Variants in JAZF1 observed in about 807,000 individuals in gnomAD.
JAZF1 encodes the protein JAZF zinc finger 1.
JAZF1 carries 8 observed loss-of-function variants against 26.4 expected under a neutral mutation model. That is an observed-to-expected ratio of 0.30 (90% CI 0.18 to 0.55). The LOEUF (loss-of-function observed/expected upper bound fraction) is 0.55, where lower values mean the gene tolerates loss of function less well. Among genes scored for constraint, JAZF1 ranks in the 20% least tolerant of loss-of-function variants. The pLI, the probability that JAZF1 is intolerant of heterozygous loss-of-function variation, is 0.94. For synonymous variants in JAZF1, 126 were observed against 122.3 expected (o/e 1.03, Z -0.20); for missense variants, 199 against 322.0 (o/e 0.62, Z 2.92).
intron 3 of JAZF1, among the ~76,000 whole-genome samples, chr7:27,865,924 G>A (rs1382197097): frequency 1.3e-5 from 2 of 152,190 alleles, no homozygotes; most frequent in East Asian, 3.9e-4. Context: ...CTTGCTTTCT[G>A]AGCAGGTGAC....
In JAZF1 at chr7:27,832,366, G is replaced by A. The variant is rs1032081819; in HGVS notation, c.*434C>T. On this transcript the variant is annotated 3_prime_UTR_variant, in exon 5 of 5. Coordinates refer to ENST00000283928, the MANE Select transcript of JAZF1 (RefSeq NM_175061.4). Reference sequence around the variant, plus strand: ...GCATGGTAACCAGTTTGATAATGAAGGTATTATTTTGGTTTTGAACATATG... The same window carrying A: ...GCATGGTAACCAGTTTGATAATGAAAGTATTATTTTGGTTTTGAACATATG... 9 of 222,208 alleles carry A rather than the reference G, an allele frequency of 4.1e-5. No individual in the cohort carries two copies. The highest frequency in any genetic ancestry group is 6.3e-5 in the Non-Finnish European group (7 of 111,110). The allele number at this position is 222,208 out of a possible 1,614,324, so 13.8% of individuals were successfully genotyped here.
intron 2 of JAZF1, among the ~76,000 whole-genome samples, chr7:27,917,178 G>A (rs981864298): frequency 7.2e-5 from 11 of 152,172 alleles, no homozygotes; most frequent in Admixed American, 5.9e-4. Flanking sequence ...TCAAGTGCTT[G>A]TCAAACATTT....
intron 2 of JAZF1, among the ~76,000 whole-genome samples, chr7:27,924,197 C>A (rs1415024768): frequency 6.6e-6 from 1 of 152,172 alleles, no homozygotes; most frequent in African/African-American, 2.4e-5. Context: ...TCTGCTTCAG[C>A]CTCCCGAGCA....
At position 28,153,066 on chromosome 7, in the gene JAZF1, C is replaced by T. The variant is rs1037662524; in HGVS notation, c.115+27397G>A. Among the ~76,000 whole-genome samples, 60 of 152,158 alleles carry T rather than the reference C, an allele frequency of 3.9e-4. 1 individual carries two copies. Among genetic ancestry groups the T allele is most frequent in the African/African-American group, 1.3e-3 (53 of 41,428 alleles). On this transcript the variant is annotated intron_variant, in intron 1 of 4. Transcript: ENST00000283928. The stretch of plus-strand genomic sequence containing the variant: ...GTTTGTTGAGCAGTCTAGGTAATTT[C>T]CAACTTCCAGAGACCAATGTCCAGT...
rs1468822109 is a variant in JAZF1, at chr7:28,027,762, A to G, written c.116-35781T>C. On this transcript the variant is annotated intron_variant, in intron 1 of 4. Coordinates refer to ENST00000283928, the MANE Select transcript of JAZF1 (RefSeq NM_175061.4). ...CTCACAATTACCCTGCAAAACAGAC[A>G]CTACATTTTCCATTTTATAGCTAAA... Among the ~76,000 whole-genome samples the G allele has an allele frequency of 2.0e-5, 3 of 152,336 alleles. No individual in the cohort carries two copies. The East Asian group carries it at 5.8e-4, about 29-fold the overall frequency.
chr7:27,972,315 G>C (rs971317619), intron 2 of JAZF1, among the ~76,000 whole-genome samples: 4 of 152,228 alleles, frequency 2.6e-5, no homozygotes, highest in Non-Finnish European at 5.9e-5. Flanking sequence ...ACTGTGTAAA[G>C]CTCTGATTGG....
At chr7:28,171,175 T>C (rs1783463957) in intron 1 of JAZF1, among the ~76,000 whole-genome samples, 1 of 152,194 alleles carries the variant, frequency 6.6e-6, no homozygotes, top group South Asian at 2.1e-4. Context: ...GTGTACCAAA[T>C]ACCCCTGGCA....
At chr7:27,867,205 G>A (rs1328277417) in intron 3 of JAZF1, among the ~76,000 whole-genome samples, 2 of 152,156 alleles carry the variant, frequency 1.3e-5, no homozygotes, top group Non-Finnish European at 2.9e-5. Context: ...GGAAAGGGAG[G>A]ATGATTGATA....
intron 1 of JAZF1, among the ~76,000 whole-genome samples, chr7:28,139,343 T>C (rs759073114): frequency 6.6e-5 from 10 of 152,234 alleles, no homozygotes; most frequent in South Asian, 2.1e-4. Context: ...TCCACTGAAG[T>C]TCTAACCCCT....
In JAZF1 at chr7:27,895,280, T is replaced by G; in HGVS notation, c.325A>C (p.Thr109Pro). 1 of 1,604,552 alleles carries G rather than the reference T, an allele frequency of 6.2e-7. No individual in the cohort carries two copies. The highest frequency in any genetic ancestry group is 2.3e-5 in the East Asian group (1 of 44,186). Reference sequence around the variant, plus strand: ...GTGATGGGTGGGGTCACGGGGGGAGTAAGGCTTCCACTGCTGTGGCGTGGG... The same window carrying G: ...GTGATGGGTGGGGTCACGGGGGGAGGAAGGCTTCCACTGCTGTGGCGTGGG... ...TPPRHSSGSL[T>P]PPVTPPITPS... The change falls in exon 3 of 5, where the codon ACT becomes CCT. Residue 109 changes from threonine (T) to proline (P), a missense_variant. Coordinates refer to ENST00000283928, the MANE Select transcript of JAZF1 (RefSeq NM_175061.4).
In JAZF1 at chr7:27,986,687, G is replaced by A. The variant is rs1262461980; in HGVS notation, c.188+5222C>T. On this transcript the variant is annotated intron_variant, in intron 2 of 4. Transcript: ENST00000283928. ...TCCCTCTCTGTCTCCCACTTTCCAC[G>A]GTCTCCCTCTGATGCCGAGCTGAGG... 6.2e-5 allele frequency among the ~76,000 whole-genome samples: 7 copies of A among 113,748 alleles called. No homozygotes were observed. In the East Asian group the frequency reaches 1.3e-3, roughly 21 times the overall value. 74.6% of individuals were successfully genotyped at this position (113,748 alleles called of 152,430 possible).
rs773717520 is a variant in JAZF1, at chr7:28,180,614, C to G, written c.-37G>C. On this transcript the variant is annotated 5_prime_UTR_variant, in exon 1 of 5. Transcript: ENST00000283928. Reference sequence around the variant, plus strand: ...GAGAGCCCCCCTGGTGTCGGCTCTGCGAGCGCCGGGCGGGCGAGGGAGGGA... The same window carrying G: ...GAGAGCCCCCCTGGTGTCGGCTCTGGGAGCGCCGGGCGGGCGAGGGAGGGA... The G allele has an allele frequency of 2.5e-5, 35 of 1,426,800 alleles. No individual in the cohort carries two copies. The highest frequency in any genetic ancestry group is 3.2e-5 in the Non-Finnish European group (34 of 1,053,748). The allele number at this position is 1,426,800 out of a possible 1,614,324, so 88.4% of individuals were successfully genotyped here. A position where few individuals can be genotyped will look rare whatever the true frequency, so the allele number is the denominator to read the frequency against.
chr7:28,035,194 G>A (rs1783265026), intron 1 of JAZF1, among the ~76,000 whole-genome samples: 1 of 151,394 alleles, frequency 6.6e-6, no homozygotes. Flanking sequence ...GTGGGCGCCT[G>A]TAATCCCAGC....
intron 2 of JAZF1, among the ~76,000 whole-genome samples, chr7:27,961,626 G>C (rs761414704): frequency 2.0e-5 from 3 of 152,210 alleles, no homozygotes; most frequent in Non-Finnish European, 2.9e-5. Flanking sequence ...TGGCAGGAAA[G>C]AAGGAAAAAG....
rs143547612 is a variant in JAZF1 at position 27,923,678 on chromosome 7, C to T, written c.189-28262G>A. Among the ~76,000 whole-genome samples the T allele has an allele frequency of 2.6e-3, 400 of 152,298 alleles. 5 individuals are homozygous for T. Among genetic ancestry groups the T allele is most frequent in the African/African-American group, 8.2e-3 (340 of 41,564 alleles). On this transcript the variant is annotated intron_variant, in intron 2 of 4. Coordinates refer to ENST00000283928, the MANE Select transcript of JAZF1 (RefSeq NM_175061.4). The stretch of plus-strand genomic sequence containing the variant: ...CAGCCCCCCAGCCCTGTCCCACCAA[C>T]GCCTGCTTGCAGACTTGGCACACTA...
chr7:27,947,963 T>C (rs11760913), intron 2 of JAZF1, among the ~76,000 whole-genome samples: 63,211 of 151,908 alleles, frequency 0.42, 14,769 homozygotes, highest in Non-Finnish European at 0.54. Context: ...TCTTTTCTTA[T>C]CTTACACTTA....
intron 1 of JAZF1, among the ~76,000 whole-genome samples, chr7:28,097,523 C>T (rs1357433643): frequency 1.3e-5 from 2 of 152,312 alleles, no homozygotes; most frequent in East Asian, 3.9e-4. Flanking sequence ...TAGATGAAGT[C>T]ACACACATTG....
At chr7:28,093,884 A>G (rs1359011613) in intron 1 of JAZF1, among the ~76,000 whole-genome samples, 1 of 152,226 alleles carries the variant, frequency 6.6e-6, no homozygotes, top group Non-Finnish European at 1.5e-5. Context: ...AGCTGCAGAC[A>G]AAAGTAAGGG....
intron 2 of JAZF1, among the ~76,000 whole-genome samples, chr7:27,937,396 G>A (rs556542226): frequency 2.2e-4 from 34 of 152,284 alleles, no homozygotes; most frequent in African/African-American, 7.5e-4. Flanking sequence ...CCATCAGGCT[G>A]TTGTGAGGAT....
Sources: allele counts gnomAD v4.1 joint callset (sites outside exome capture counted in the v4.1 genomes callset), GRCh38; gene constraint gnomAD v4.1.1; transcripts MANE v1.5; gene names NCBI Gene and HGNC (gene_info 2026-07-23, HGNC 2026-07-21).